Variants in CTNNA2 observed in about 807,000 individuals in gnomAD.
CTNNA2 encodes the protein catenin alpha-2.
In CTNNA2, 42 loss-of-function variants were observed where a neutral mutation model predicts 101.0. The ratio of observed to expected loss-of-function variants is 0.42; its 90% confidence interval spans 0.32 to 0.54. The LOEUF is 0.54. Ranked by LOEUF, CTNNA2 falls within the 20% of genes least tolerant of loss-of-function variation. CTNNA2 has a pLI of 0.14. For synonymous variants in CTNNA2, 450 were observed against 456.4 expected (o/e 0.99, Z 0.18); for missense variants, 871 against 1,223.1 (o/e 0.71, Z 4.29).
intron 4 of CTNNA2, among the ~76,000 whole-genome samples, chr2:79,861,944 A>G (rs768191446): frequency 1.4e-4 from 22 of 152,342 alleles, no homozygotes; most frequent in East Asian, 1.9e-4. Flanking sequence ...ATATCCTGCA[A>G]TCAGTTCACA....
At chr2:79,373,627 A>T (rs1677921518) in intron 3 of CTNNA2, among the ~76,000 whole-genome samples, 1 of 150,420 alleles carries the variant, frequency 6.6e-6, no homozygotes, top group Non-Finnish European at 1.5e-5. Flanking sequence ...ATGGAGGGAG[A>T]GGAGGGAAAC....
intron 1 of CTNNA2, among the ~76,000 whole-genome samples, chr2:79,591,378 A>G (rs1558754978): frequency 6.6e-6 from 1 of 152,198 alleles, no homozygotes; most frequent in Non-Finnish European, 1.5e-5. Flanking sequence ...AAGACAAGTG[A>G]TATGATAGAA....
intron 3 of CTNNA2, among the ~76,000 whole-genome samples, chr2:79,357,561 G>A (rs937856893): frequency 4.0e-4 from 61 of 152,278 alleles, no homozygotes; most frequent in African/African-American, 1.3e-3. Context: ...CGGAAGAAAT[G>A]TTTGAAGAGC....
chr2:79,501,246 C>T (rs192990418), intron 4 of CTNNA2, among the ~76,000 whole-genome samples: 70 of 152,240 alleles, frequency 4.6e-4, no homozygotes, highest in Middle Eastern at 6.8e-3. Flanking sequence ...ACCAAATTAT[C>T]TGTTGTGGCT....
At chr2:79,803,624 C>A (rs1171629431) in intron 3 of CTNNA2, among the ~76,000 whole-genome samples, 1 of 152,240 alleles carries the variant, frequency 6.6e-6, no homozygotes, top group Admixed American at 6.5e-5. Context: ...AAACCCACAA[C>A]CTTCCAGTGC....
intron 7 of CTNNA2, among the ~76,000 whole-genome samples, chr2:79,956,861 T>TTTTTTTTTTTTTTTTTTTTTA: frequency 6.7e-6 from 1 of 148,556 alleles, no homozygotes. Flanking sequence ...TTTTTTTTTT[T>TTTTTTTTTTTTTTTTTTTTTA]TTTTTTTCAG....
At chr2:79,978,415 C>T (rs188281276) in intron 7 of CTNNA2, among the ~76,000 whole-genome samples, 102 of 152,162 alleles carry the variant, frequency 6.7e-4, no homozygotes, top group Non-Finnish European at 1.1e-3. Context: ...TGCATCTAAC[C>T]TGTGCTGTGA....
intron 1 of CTNNA2, among the ~76,000 whole-genome samples, chr2:79,549,253 G>A (rs140876659): frequency 3.9e-5 from 6 of 152,238 alleles, no homozygotes; most frequent in African/African-American, 1.4e-4. Flanking sequence ...AATGTCTTTT[G>A]GTGGAGCTTT....
At chr2:79,213,614 G>T (rs536744018) in intron 2 of CTNNA2, among the ~76,000 whole-genome samples, 1 of 152,248 alleles carries the variant, frequency 6.6e-6, no homozygotes, top group Non-Finnish European at 1.5e-5. Flanking sequence ...TGTGATCAGA[G>T]TGAGGAACAG....
intron 2 of CTNNA2, among the ~76,000 whole-genome samples, chr2:79,287,412 G>GTGA: frequency 6.6e-6 from 1 of 152,250 alleles, no homozygotes; most frequent in South Asian, 2.1e-4. Flanking sequence ...TTTGACGATG[G>GTGA]TGATGTACAG....
At chr2:79,850,297 TCC>T (rs369094765) in intron 3 of CTNNA2, among the ~76,000 whole-genome samples, 1 of 61,786 alleles carries the variant, frequency 1.6e-5, no homozygotes, top group Non-Finnish European at 2.9e-5. Context: ...CCTCCCTCCC[TCC>T]CCCCTCCCTT....
intron 4 of CTNNA2, among the ~76,000 whole-genome samples, chr2:79,397,105 T>C (rs1484777947): frequency 1.3e-5 from 2 of 152,040 alleles, no homozygotes; most frequent in Admixed American, 6.6e-5. Context: ...TATACTAGAG[T>C]TGTTCATATT....
intron 9 of CTNNA2, among the ~76,000 whole-genome samples, chr2:80,529,070 T>C (rs191671227): frequency 6.6e-6 from 1 of 152,264 alleles, no homozygotes; most frequent in East Asian, 1.9e-4. Flanking sequence ...CAAAGATTGC[T>C]GGGATTGGAG....
At chr2:79,705,790 T>A (rs955387218) in intron 2 of CTNNA2, among the ~76,000 whole-genome samples, 2 of 152,208 alleles carry the variant, frequency 1.3e-5, no homozygotes, top group Non-Finnish European at 2.9e-5. Flanking sequence ...TTGCAATAAA[T>A]ATTTCTCTAC....
At position 80,196,321 on chromosome 2, in the gene CTNNA2, A is replaced by C. The variant is rs150032238; in HGVS notation, c.1057-196890A>C. Among the ~76,000 whole-genome samples the C allele has an allele frequency of 3.1e-4, 47 of 152,300 alleles. 1 individual carries two copies. The highest frequency in any genetic ancestry group is 9.6e-4 in the African/African-American group (40 of 41,562). ...ATCCTATTCCTAGTTATAGGATATT[A>C]AATGCATTGCCAGCCATCATTTCAG... On this transcript the variant is annotated intron_variant, in intron 7 of 18. Transcript: ENST00000402739.
At chr2:80,112,544 T>A (rs553609030) in intron 7 of CTNNA2, among the ~76,000 whole-genome samples, 2 of 152,326 alleles carry the variant, frequency 1.3e-5, no homozygotes, top group South Asian at 4.1e-4. Flanking sequence ...ATCTTCTAGA[T>A]GAGTAATCTC....
intron 3 of CTNNA2, among the ~76,000 whole-genome samples, chr2:79,818,379 C>T (rs1163955389): frequency 6.6e-6 from 1 of 151,960 alleles, no homozygotes; most frequent in Non-Finnish European, 1.5e-5. Flanking sequence ...GTGTTGTGAT[C>T]GTGGCTCACT....
At chr2:79,558,313 T>C (rs1023900677) in intron 1 of CTNNA2, among the ~76,000 whole-genome samples, 16 of 151,938 alleles carry the variant, frequency 1.1e-4, no homozygotes, top group Non-Finnish European at 1.5e-5. Flanking sequence ...AGCTATTATT[T>C]TATATCAATA....
intron 7 of CTNNA2, among the ~76,000 whole-genome samples, chr2:80,257,484 A>G (rs1458584530): frequency 6.6e-6 from 1 of 152,138 alleles, no homozygotes; most frequent in Non-Finnish European, 1.5e-5. Flanking sequence ...AATGTTAATG[A>G]TTGTCTCTGC....
Sources: gnomAD v4.1 joint callset for allele counts (sites outside exome capture counted in the v4.1 genomes callset) on GRCh38, gnomAD v4.1.1 for gene constraint, MANE v1.5 for transcripts, NCBI Gene and HGNC (gene_info 2026-07-23, HGNC 2026-07-21) for gene names.